XKR4: variants seen among roughly 807,000 people sequenced by gnomAD.
The protein encoded by XKR4 is XK-related protein 4.
In XKR4, 12 loss-of-function variants were observed where a neutral mutation model predicts 53.9. That is an observed-to-expected ratio of 0.22 (90% CI 0.14 to 0.36). XKR4 has a LOEUF of 0.36. Among genes scored for constraint, XKR4 ranks in the 10% least tolerant of loss-of-function variants. XKR4 has a pLI of 1.00. For missense variants in XKR4, 799 were observed against 859.5 expected, an observed-to-expected ratio of 0.93 and a Z score of 0.88; for synonymous variants, 354 against 362.4, an observed-to-expected ratio of 0.98 and a Z score of 0.26.
chr8:55,449,018 A>C (rs933816073), intron 2 of XKR4, among the ~76,000 whole-genome samples: 11 of 152,272 alleles, frequency 7.2e-5, no homozygotes, highest in African/African-American at 2.6e-4. Flanking sequence ...ATGACTTATT[A>C]TATAAATAGT....
chr8:55,324,076 G>C (rs145135428), intron 1 of XKR4, among the ~76,000 whole-genome samples: 1 of 151,958 alleles, frequency 6.6e-6, no homozygotes, highest in South Asian at 2.1e-4. Context: ...CTAACATCTG[G>C]GTTATCTTAG....
intron 1 of XKR4, among the ~76,000 whole-genome samples, chr8:55,253,973 G>C (rs1169252829): frequency 6.6e-6 from 1 of 151,676 alleles, no homozygotes; most frequent in Non-Finnish European, 1.5e-5. Context: ...CACCTGCCTG[G>C]CCCCCCAAAG....
intron 1 of XKR4, among the ~76,000 whole-genome samples, chr8:55,330,104 C>T (rs1585523996): frequency 6.6e-6 from 1 of 152,294 alleles, no homozygotes; most frequent in East Asian, 1.9e-4. Context: ...AGCACTATCA[C>T]CATCACCATA....
intron 2 of XKR4, among the ~76,000 whole-genome samples, chr8:55,387,924 G>A (rs947403125): frequency 1.3e-5 from 2 of 152,216 alleles, no homozygotes; most frequent in Non-Finnish European, 2.9e-5. Flanking sequence ...TGAGCAGGTC[G>A]TGACTTAAGT....
intron 1 of XKR4, among the ~76,000 whole-genome samples, chr8:55,238,101 T>C (rs1489555101): frequency 6.6e-6 from 1 of 152,252 alleles, no homozygotes; most frequent in East Asian, 1.9e-4. Flanking sequence ...AATTAATTTG[T>C]AGGCAAAGCA....
chr8:55,156,632 G>A (rs1265542819), intron 1 of XKR4, among the ~76,000 whole-genome samples: 1 of 152,176 alleles, frequency 6.6e-6, no homozygotes, highest in Non-Finnish European at 1.5e-5. Flanking sequence ...ATCCTAACTA[G>A]AAAAGAATGG....
At chr8:55,131,985 T>C (rs1011611243) in intron 1 of XKR4, among the ~76,000 whole-genome samples, 1 of 152,136 alleles carries the variant, frequency 6.6e-6, no homozygotes, top group African/African-American at 2.4e-5. Context: ...AGAGGAGCAG[T>C]TTCATATGGC....
chr8:55,517,026 G>A (rs906109461), intron 2 of XKR4, among the ~76,000 whole-genome samples: 6 of 152,264 alleles, frequency 3.9e-5, no homozygotes, highest in Admixed American at 3.9e-4. Context: ...AACTCAGAAA[G>A]AGGAGGTCAA....
At chr8:55,129,903 T>C (rs927632221) in intron 1 of XKR4, among the ~76,000 whole-genome samples, 3 of 151,952 alleles carry the variant, frequency 2.0e-5, no homozygotes, top group African/African-American at 4.8e-5. Context: ...AAATGGTCTG[T>C]GTTGGGTGGA....
intron 2 of XKR4, among the ~76,000 whole-genome samples, chr8:55,460,838 T>A (rs780524105): frequency 6.6e-6 from 1 of 152,234 alleles, no homozygotes; most frequent in East Asian, 1.9e-4. Context: ...ATTATATCCC[T>A]CACATGGCTT....
chr8:55,462,209 A>G (rs1428132251), intron 2 of XKR4, among the ~76,000 whole-genome samples: 1 of 152,228 alleles, frequency 6.6e-6, no homozygotes, highest in African/African-American at 2.4e-5. Context: ...AAAAAATGTT[A>G]AGGGCAGCCA....
intron 2 of XKR4, among the ~76,000 whole-genome samples, chr8:55,395,739 C>T (rs998091167): frequency 1.1e-4 from 17 of 152,110 alleles, no homozygotes; most frequent in African/African-American, 3.9e-4. Flanking sequence ...TACACTAGGT[C>T]TAGGTGGAAA....
At chr8:55,247,572 C>G (rs1398763238) in intron 1 of XKR4, among the ~76,000 whole-genome samples, 1 of 152,114 alleles carries the variant, frequency 6.6e-6, no homozygotes, top group Non-Finnish European at 1.5e-5. Context: ...AAAGCTGGAT[C>G]TTACAACTAT....
intron 1 of XKR4, among the ~76,000 whole-genome samples, chr8:55,297,798 G>A (rs1448368047): frequency 6.6e-6 from 1 of 152,230 alleles, no homozygotes; most frequent in African/African-American, 2.4e-5. Flanking sequence ...CTTTGGGGAA[G>A]ATGGACCTAT....
intron 2 of XKR4, among the ~76,000 whole-genome samples, chr8:55,494,154 T>C (rs1806308242): frequency 6.6e-6 from 1 of 152,248 alleles, no homozygotes; most frequent in South Asian, 2.1e-4. Flanking sequence ...TAGCTGCTGC[T>C]GCAGGGTGGG....
At position 55,237,866 on chromosome 8, in the gene XKR4, C is replaced by T. The variant is rs572219791; in HGVS notation, c.807-119812C>T. 3.3e-5 allele frequency among the ~76,000 whole-genome samples: 5 copies of T among 152,082 alleles called. No individual in the cohort carries two copies. In the East Asian group the frequency reaches 9.7e-4, roughly 29 times the overall value. ...TGCTTCTAGACTGGTGGAAAATTAGCCTGTCACCATCTGTCTTCTCCCCTC... is the reference window on the plus strand; with the variant it reads ...TGCTTCTAGACTGGTGGAAAATTAGTCTGTCACCATCTGTCTTCTCCCCTC... On this transcript the variant is annotated intron_variant, in intron 1 of 2. Coordinates refer to ENST00000327381, the MANE Select transcript of XKR4 (RefSeq NM_052898.2).
intron 1 of XKR4, among the ~76,000 whole-genome samples, chr8:55,342,115 G>T (rs1230152660): frequency 6.6e-6 from 1 of 151,740 alleles, no homozygotes; most frequent in African/African-American, 2.4e-5. Flanking sequence ...CATCTAAGTT[G>T]CCCCATCTCT....
intron 1 of XKR4, among the ~76,000 whole-genome samples, chr8:55,222,603 A>G (rs1405757645): frequency 2.0e-5 from 3 of 152,164 alleles, no homozygotes; most frequent in African/African-American, 4.8e-5. Context: ...TCATTTGTCT[A>G]TGTCCTTATT....
chr8:55,323,047 A>G (rs1803239740), intron 1 of XKR4, among the ~76,000 whole-genome samples: 1 of 152,208 alleles, frequency 6.6e-6, no homozygotes. Context: ...CACTTACCAT[A>G]TATTAGCTTA....
Sources: gnomAD v4.1 joint callset for allele counts (sites outside exome capture counted in the v4.1 genomes callset) on GRCh38, gnomAD v4.1.1 for gene constraint, MANE v1.5 for transcripts, NCBI Gene and HGNC (gene_info 2026-07-23, HGNC 2026-07-21) for gene names.